ADCY8: variants seen among roughly 807,000 people sequenced by gnomAD.
The protein encoded by ADCY8 is adenylate cyclase type 8.
ADCY8 carries 51 observed loss-of-function variants against 119.7 expected under a neutral mutation model. The observed-to-expected ratio is 0.43, with a 90% confidence interval of 0.34 to 0.54. The LOEUF is 0.54. Ranked by LOEUF, ADCY8 falls within the 20% of genes least tolerant of loss-of-function variation. The probability of loss-of-function intolerance (pLI) is 0.03; values close to 1 mark genes in which losing one functional copy is unlikely to be tolerated. For synonymous variants in ADCY8, 665 were observed against 651.0 expected (o/e 1.02, Z -0.33); for missense variants, 1,383 against 1,598.8 (o/e 0.87, Z 2.30).
At chr8:130,782,955 G>A (rs1445581901) in intron 17 of ADCY8, among the ~76,000 whole-genome samples, 1 of 152,180 alleles carries the variant, frequency 6.6e-6, no homozygotes, top group Admixed American at 6.5e-5. Context: ...TCAGAGTTAG[G>A]AAATGCTGGA....
intron 12 of ADCY8, among the ~76,000 whole-genome samples, chr8:130,828,025 G>A (rs1816719110): frequency 6.6e-6 from 1 of 152,122 alleles, no homozygotes; most frequent in South Asian, 2.1e-4. Flanking sequence ...CTTCGTGTGG[G>A]GCTGGAAGAG....
At chr8:130,985,047 A>T (rs1456135725) in intron 2 of ADCY8, among the ~76,000 whole-genome samples, 1 of 152,096 alleles carries the variant, frequency 6.6e-6, no homozygotes, top group African/African-American at 2.4e-5. Flanking sequence ...TTGGAGGAGG[A>T]AGAGGGATAT....
At chr8:130,952,708 G>A (rs908032897) in intron 2 of ADCY8, among the ~76,000 whole-genome samples, 1 of 152,148 alleles carries the variant, frequency 6.6e-6, no homozygotes, top group Non-Finnish European at 1.5e-5. Context: ...TTCTGGGGAG[G>A]AGCCAAGGCT....
chr8:130,781,856 T>C (rs1019779210), intron 17 of ADCY8, among the ~76,000 whole-genome samples: 1 of 152,244 alleles, frequency 6.6e-6, no homozygotes, highest in Admixed American at 6.5e-5. Context: ...AAGACAATTA[T>C]TTCATTCTAC....
At chr8:130,972,431 C>T (rs1296647807) in intron 2 of ADCY8, among the ~76,000 whole-genome samples, 2 of 152,136 alleles carry the variant, frequency 1.3e-5, no homozygotes, top group South Asian at 4.1e-4. Context: ...GACAATGAAA[C>T]AGATCAAACT....
At chr8:130,944,886 G>A (rs1821061836) in intron 3 of ADCY8, among the ~76,000 whole-genome samples, 2 of 152,204 alleles carry the variant, frequency 1.3e-5, no homozygotes, top group Admixed American at 6.5e-5. Context: ...TGCTGAGTCT[G>A]AGGAATGGAG....
intron 14 of ADCY8, among the ~76,000 whole-genome samples, chr8:130,804,768 A>G (rs1815890387): frequency 6.6e-6 from 1 of 152,120 alleles, no homozygotes; most frequent in Admixed American, 6.5e-5. Context: ...GTTTTTTGAG[A>G]CAGAGTCTCA....
chr8:131,012,334 G>C (rs1235894141), intron 1 of ADCY8, among the ~76,000 whole-genome samples: 1 of 152,218 alleles, frequency 6.6e-6, no homozygotes, highest in Non-Finnish European at 1.5e-5. Context: ...GACCAGCAGA[G>C]GTACTAGTGG....
intron 6 of ADCY8, among the ~76,000 whole-genome samples, chr8:130,907,773 G>A (rs1427187833): frequency 6.6e-6 from 1 of 152,114 alleles, no homozygotes; most frequent in East Asian, 1.9e-4. Context: ...GAATCAGGTG[G>A]TATATGTGCA....
intron 2 of ADCY8, among the ~76,000 whole-genome samples, chr8:130,964,888 T>C (rs1416789776): frequency 6.6e-6 from 1 of 152,220 alleles, no homozygotes; most frequent in Non-Finnish European, 1.5e-5. Flanking sequence ...AGATAGTGTC[T>C]CATTGTGGTT....
At position 130,838,599 on chromosome 8, in the gene ADCY8, G is replaced by A. The variant is rs530728406; in HGVS notation, c.2503-2150C>T. On this transcript the variant is annotated intron_variant, in intron 11 of 17. Coordinates refer to ENST00000286355, the MANE Select transcript of ADCY8 (RefSeq NM_001115.3). Reference sequence around the variant, plus strand: ...TGTTGCCTGTATCACAACAAGGGGCGGTGCATGGCTTTTTGCAAATTATGA... The same window carrying A: ...TGTTGCCTGTATCACAACAAGGGGCAGTGCATGGCTTTTTGCAAATTATGA... Among the ~76,000 whole-genome samples the A allele has an allele frequency of 3.8e-5, 4 of 105,186 alleles. 1 individual carries two copies. Among genetic ancestry groups the A allele is most frequent in the Admixed American group, 2.0e-4 (2 of 10,066 alleles). 69.0% of individuals were successfully genotyped at this position (105,186 alleles called of 152,430 possible).
chr8:130,846,850 T>TGCC (rs1817333091), intron 11 of ADCY8, among the ~76,000 whole-genome samples: 1 of 24,482 alleles, frequency 4.1e-5, no homozygotes, highest in African/African-American at 3.8e-4. Flanking sequence ...CCTTCCTTCC[T>TGCC]TCCTCCCCTC....
intron 5 of ADCY8, among the ~76,000 whole-genome samples, chr8:130,915,889 A>T (rs111685485): frequency 0.01 from 1,585 of 152,296 alleles, 35 homozygotes; most frequent in African/African-American, 0.036. Flanking sequence ...AATGGTTACA[A>T]TTTAGGCAGA....
chr8:130,951,164 G>A (rs1045954998), intron 3 of ADCY8, among the ~76,000 whole-genome samples: 4 of 71,110 alleles, frequency 5.6e-5, no homozygotes, highest in Non-Finnish European at 1.4e-4. Flanking sequence ...ACTCTGCAAA[G>A]TGGCTAAGAA....
intron 1 of ADCY8, among the ~76,000 whole-genome samples, chr8:131,011,331 T>C (rs1267867856): frequency 6.6e-6 from 1 of 152,156 alleles, no homozygotes; most frequent in East Asian, 1.9e-4. Context: ...AAATTAGATA[T>C]GTTTTGAAGA....
chr8:130,945,629 C>T (rs935970170), intron 3 of ADCY8, among the ~76,000 whole-genome samples: 13 of 152,178 alleles, frequency 8.5e-5, no homozygotes, highest in African/African-American at 3.1e-4. Flanking sequence ...CTTTTGTTAT[C>T]ATCATTTTAC....
chr8:130,826,290 T>C (rs564165710), intron 12 of ADCY8, among the ~76,000 whole-genome samples: 50 of 152,312 alleles, frequency 3.3e-4, no homozygotes, highest in African/African-American at 1.1e-3. Flanking sequence ...GTATTGTATA[T>C]ATATGAGAGA....
At chr8:131,012,567 G>A (rs1823343832) in intron 1 of ADCY8, among the ~76,000 whole-genome samples, 1 of 152,180 alleles carries the variant, frequency 6.6e-6, no homozygotes, top group Non-Finnish European at 1.5e-5. Flanking sequence ...TGAGCCATCG[G>A]GTCTCCATTC....
chr8:131,034,863 A>G (rs1824102130), intron 1 of ADCY8, among the ~76,000 whole-genome samples: 1 of 152,162 alleles, frequency 6.6e-6, no homozygotes, highest in South Asian at 2.1e-4. Flanking sequence ...CAGTAACTAA[A>G]TGATTTCCAC....
Sources: gnomAD v4.1 joint callset for allele counts (sites outside exome capture counted in the v4.1 genomes callset) on GRCh38, gnomAD v4.1.1 for gene constraint, MANE v1.5 for transcripts, NCBI Gene and HGNC (gene_info 2026-07-23, HGNC 2026-07-21) for gene names.